Variants in FNDC3B observed in about 807,000 individuals in gnomAD.
FNDC3B encodes the protein fibronectin type III domain-containing protein 3B.
A neutral mutation model predicts 151.5 loss-of-function variants in FNDC3B; 12 were observed. That is an observed-to-expected ratio of 0.08 (90% confidence interval 0.05 to 0.13). FNDC3B has a LOEUF of 0.13. Ranked by LOEUF, FNDC3B falls within the 10% of genes least tolerant of loss-of-function variation. FNDC3B has a pLI of 1.00. For missense variants in FNDC3B, 1,214 were observed against 1,505.3 expected, an observed-to-expected ratio of 0.81 and a Z score of 3.20; for synonymous variants, 528 against 549.0, an observed-to-expected ratio of 0.96 and a Z score of 0.54.
chr3:172,264,974 G>A (rs1024020298), intron 6 of FNDC3B, among the ~76,000 whole-genome samples: 1 of 152,102 alleles, frequency 6.6e-6, no homozygotes, highest in Non-Finnish European at 1.5e-5. Context: ...GATCTCAGTA[G>A]GAGGTAAACA....
At chr3:172,239,783 A>AG (rs1560033981) in intron 4 of FNDC3B, among the ~76,000 whole-genome samples, 3 of 149,696 alleles carry the variant, frequency 2.0e-5, no homozygotes, top group Admixed American at 6.6e-5. Context: ...GACAAAAAAA[A>AG]AAAAAAAGAA....
Position 172,258,701 on chromosome 3 carries a change from G to T in FNDC3B, c.790+7160G>T, listed in dbSNP as rs550791023. Among the ~76,000 whole-genome samples, 3 of 152,254 alleles carry T rather than the reference G, an allele frequency of 2.0e-5. No homozygotes were observed. In the South Asian group the frequency reaches 6.2e-4, roughly 32 times the overall value. On this transcript the variant is annotated intron_variant, in intron 6 of 25. Coordinates refer to ENST00000415807, the MANE Select transcript of FNDC3B (RefSeq NM_022763.4). ...CGCAGGGCTGACAGTGGTTTCCTTTGTCTGGAATGACGTGCTTAATGTTAA... is the reference window on the plus strand; with the variant it reads ...CGCAGGGCTGACAGTGGTTTCCTTTTTCTGGAATGACGTGCTTAATGTTAA...
chr3:172,144,293 A>C (rs1056406858), intron 3 of FNDC3B, among the ~76,000 whole-genome samples: 1 of 152,152 alleles, frequency 6.6e-6, no homozygotes, highest in Non-Finnish European at 1.5e-5. Context: ...CCATCCTCAC[A>C]ATCCAGTCAC....
intron 11 of FNDC3B, among the ~76,000 whole-genome samples, chr3:172,313,286 A>C (rs1731612374): frequency 6.6e-6 from 1 of 152,200 alleles, no homozygotes; most frequent in African/African-American, 2.4e-5. Flanking sequence ...GCTTCCTGGC[A>C]GGAGAGGATA....
rs1408248186 is a variant in FNDC3B, at chr3:172,096,252, C to G, written c.-28-16200C>G. Among the ~76,000 whole-genome samples, 7 of 152,254 alleles carry G rather than the reference C, an allele frequency of 4.6e-5. No homozygotes were observed. In the East Asian group the frequency reaches 5.8e-4, roughly 13 times the overall value. On this transcript the variant is annotated intron_variant, in intron 1 of 25. Transcript: ENST00000415807. ...AGTTAACATAAAACATCCTGTAGCTCTCAGAAGATAGAAAATGCACCCTTT... is the reference window on the plus strand; with the variant it reads ...AGTTAACATAAAACATCCTGTAGCTGTCAGAAGATAGAAAATGCACCCTTT...
At chr3:172,087,253 G>C (rs533394923) in intron 1 of FNDC3B, among the ~76,000 whole-genome samples, 5 of 152,184 alleles carry the variant, frequency 3.3e-5, no homozygotes, top group Admixed American at 2.6e-4. Context: ...CTATCAGCTT[G>C]ACCGAAGCCA....
chr3:172,105,865 A>G (rs1576868127), intron 1 of FNDC3B, among the ~76,000 whole-genome samples: 1 of 84,850 alleles, frequency 1.2e-5, no homozygotes, highest in East Asian at 5.0e-4. Flanking sequence ...TGAAGTACGA[A>G]TTGAGCTGAT....
Position 172,169,374 on chromosome 3 carries a change from T to G in FNDC3B, c.187+35828T>G, listed in dbSNP as rs150471590. On this transcript the variant is annotated intron_variant, in intron 3 of 25. Coordinates refer to ENST00000415807, the MANE Select transcript of FNDC3B (RefSeq NM_022763.4). ...GCCTGCCTGTAGGAGCTAACTGGTATGTTTGGTAGTGGAGGCATCGGACAG... is the reference window on the plus strand; with the variant it reads ...GCCTGCCTGTAGGAGCTAACTGGTAGGTTTGGTAGTGGAGGCATCGGACAG... Among the ~76,000 whole-genome samples the G allele has an allele frequency of 2.6e-4, 39 of 152,346 alleles. No homozygotes were observed. In the East Asian group the frequency reaches 7.1e-3, roughly 28 times the overall value.
intron 4 of FNDC3B, among the ~76,000 whole-genome samples, chr3:172,227,685 T>A (rs1726660841): frequency 6.6e-6 from 1 of 152,194 alleles, no homozygotes; most frequent in African/African-American, 2.4e-5. Context: ...CCTAACAAAC[T>A]GTTTTTCTGT....
chr3:172,226,404 G>T (rs1726583690), intron 3 of FNDC3B, among the ~76,000 whole-genome samples: 1 of 151,710 alleles, frequency 6.6e-6, no homozygotes, highest in African/African-American at 2.4e-5. Flanking sequence ...GCATATTACA[G>T]TAATTTATTA....
chr3:172,192,063 C>A (rs1724540038), intron 3 of FNDC3B, among the ~76,000 whole-genome samples: 1 of 151,910 alleles, frequency 6.6e-6, no homozygotes. Flanking sequence ...ATAGGAAACT[C>A]AATTTTAAGT....
At chr3:172,333,619 C>T (rs1732801717) in intron 14 of FNDC3B, among the ~76,000 whole-genome samples, 1 of 150,476 alleles carries the variant, frequency 6.6e-6, no homozygotes, top group Non-Finnish European at 1.5e-5. Flanking sequence ...GCTGTGATTA[C>T]AGGCATGAGC....
intron 4 of FNDC3B, among the ~76,000 whole-genome samples, chr3:172,246,083 T>C (rs1197932447): frequency 2.0e-5 from 3 of 152,214 alleles, no homozygotes; most frequent in Non-Finnish European, 4.4e-5. Context: ...TATTAAGATG[T>C]TTTAGACATG....
chr3:172,127,127 T>C (rs111769814), intron 2 of FNDC3B: 131 of 454,950 alleles, frequency 2.9e-4, no homozygotes, highest in African/African-American at 2.3e-3. Context: ...AAATTTTTCT[T>C]GAGACTGTAA....
intron 22 of FNDC3B, 92 bp downstream of exon 22, chr3:172,353,175 C>G (rs111737327): frequency 8.1e-7 from 1 of 1,231,190 alleles, no homozygotes; most frequent in Non-Finnish European, 1.1e-6. Flanking sequence ...TGGATGTCAT[C>G]TCCCAGCTGT....
At chr3:172,241,135 T>C (rs1029496426) in intron 4 of FNDC3B, among the ~76,000 whole-genome samples, 1 of 152,174 alleles carries the variant, frequency 6.6e-6, no homozygotes, top group Non-Finnish European at 1.5e-5. Context: ...CGTATCACTT[T>C]TTAAAAGAGA....
intron 3 of FNDC3B, among the ~76,000 whole-genome samples, chr3:172,181,390 G>C (rs1723881977): frequency 1.5e-5 from 1 of 68,734 alleles, no homozygotes. Flanking sequence ...GTGAGACTCT[G>C]TCTCCAAAAA....
chr3:172,062,552 G>A (rs979686029), intron 1 of FNDC3B, among the ~76,000 whole-genome samples: 2 of 152,046 alleles, frequency 1.3e-5, no homozygotes, highest in Non-Finnish European at 2.9e-5. Context: ...CCAAAGTGCT[G>A]CGATTACAGG....
At chr3:172,158,072 G>A (rs756080150) in intron 3 of FNDC3B, among the ~76,000 whole-genome samples, 2 of 152,108 alleles carry the variant, frequency 1.3e-5, no homozygotes, top group African/African-American at 2.4e-5. Flanking sequence ...CTTTCACCAG[G>A]CATTGAATCT....
Sources: gnomAD v4.1 joint callset for allele counts (sites outside exome capture counted in the v4.1 genomes callset) on GRCh38, gnomAD v4.1.1 for gene constraint, MANE v1.5 for transcripts, NCBI Gene and HGNC (gene_info 2026-07-23, HGNC 2026-07-21) for gene names.